The following OTOF variants were observed in gnomAD, a reference collection of about 807,000 sequenced individuals.
The protein encoded by OTOF is otoferlin.
Under a neutral mutation model 236.8 loss-of-function variants are expected in OTOF, and 218 were observed. The observed-to-expected ratio is 0.92, with a 90% CI of 0.82 to 1.03. OTOF has a LOEUF of 1.03. Among genes scored for constraint, OTOF ranks in the 50% least tolerant of loss-of-function variants. The probability of loss-of-function intolerance (pLI) is 0.00; values close to 1 mark genes in which losing one functional copy is unlikely to be tolerated. For missense variants in OTOF, 2,590 were observed against 2,694.4 expected (o/e 0.96, Z 0.86); for synonymous variants, 1,041 against 1,072.5 (o/e 0.97, Z 0.57).
chr2:26,546,498 C>T (rs1466040055), intron 1 of OTOF, among the ~76,000 whole-genome samples: 4 of 151,698 alleles, frequency 2.6e-5, no homozygotes, highest in African/African-American at 9.7e-5. Flanking sequence ...TATAAGTGGA[C>T]CCATGTTGTT....
chr2:26,481,492 T>C (rs768162086), intron 14 of OTOF, among the ~76,000 whole-genome samples: 3 of 152,236 alleles, frequency 2.0e-5, no homozygotes, highest in Non-Finnish European at 2.9e-5. Context: ...CCTTCTCTTA[T>C]GGCTAAGATT....
chr2:26,503,910 C>CAGA (rs1666183687), intron 5 of OTOF, 65 bp from the exon 6 acceptor site: 1 of 1,399,334 alleles, frequency 7.1e-7, no homozygotes, highest in African/African-American at 1.4e-5. Flanking sequence ...CACACAAACA[C>CAGA]AGAAGAGCCA....
At chr2:26,544,648 C>A (rs1667286851) in intron 1 of OTOF, among the ~76,000 whole-genome samples, 1 of 152,150 alleles carries the variant, frequency 6.6e-6, no homozygotes, top group Non-Finnish European at 1.5e-5. Flanking sequence ...TGTAAACATT[C>A]ATGTGAGTCT....
chr2:26,514,147 T>C (rs1328828600), intron 5 of OTOF, among the ~76,000 whole-genome samples: 1 of 152,232 alleles, frequency 6.6e-6, no homozygotes, highest in Non-Finnish European at 1.5e-5. Context: ...CGGGAGAAGG[T>C]GTAGCAGCGA....
At chr2:26,506,868 G>A (rs1666261766) in intron 5 of OTOF, among the ~76,000 whole-genome samples, 1 of 152,174 alleles carries the variant, frequency 6.6e-6, no homozygotes, top group Non-Finnish European at 1.5e-5. Flanking sequence ...GCACATGCCT[G>A]TAATCCCAGT....
At chr2:26,466,552 G>T (rs1664736265) in intron 36 of OTOF, among the ~76,000 whole-genome samples, 162 bp downstream of exon 36, 1 of 152,186 alleles carries the variant, frequency 6.6e-6, no homozygotes, top group African/African-American at 2.4e-5. Context: ...GGCCAGGCTG[G>T]TCTCGAACTC....
chr2:26,513,560 C>T (rs1309274596), intron 5 of OTOF, among the ~76,000 whole-genome samples: 3 of 152,236 alleles, frequency 2.0e-5, no homozygotes, highest in East Asian at 1.9e-4. Flanking sequence ...CTGATCCCCA[C>T]GCCGGACCCT....
At chr2:26,515,289 G>T (rs1373743854) in intron 5 of OTOF, among the ~76,000 whole-genome samples, 1 of 152,230 alleles carries the variant, frequency 6.6e-6, no homozygotes, top group Non-Finnish European at 1.5e-5. Context: ...CTAGCCTGGG[G>T]CTGCCCCATG....
chr2:26,513,454 G>A (rs1301781053), intron 5 of OTOF, among the ~76,000 whole-genome samples: 1 of 152,196 alleles, frequency 6.6e-6, no homozygotes, highest in South Asian at 2.1e-4. Flanking sequence ...TGGGCTGCCC[G>A]GGGCCTGTCT....
At chr2:26,541,970 T>C (rs540815156) in intron 1 of OTOF, among the ~76,000 whole-genome samples, 2 of 152,158 alleles carry the variant, frequency 1.3e-5, no homozygotes, top group Non-Finnish European at 1.5e-5. Flanking sequence ...CCTGAGTCAA[T>C]AGATGGAGTA....
In OTOF at chr2:26,501,875, C is replaced by G. The variant is rs1025736266; in HGVS notation, c.711-67G>C. 1.4e-5 allele frequency: 16 copies of G among 1,166,788 alleles called. No homozygotes were observed. In the African/African-American group the frequency reaches 1.5e-4, roughly 11 times the overall value. The allele number at this position is 1,166,788 out of a possible 1,614,324, so 72.3% of individuals were successfully genotyped here. On this transcript the variant is annotated intron_variant, in intron 7 of 46. Transcript: ENST00000272371. Reference sequence around the variant, plus strand: ...TGCTTGTTGGGGAGGAGGACACTGGCAGTGGTTAGACCTGGGAGTGGGCAG... The same window carrying G: ...TGCTTGTTGGGGAGGAGGACACTGGGAGTGGTTAGACCTGGGAGTGGGCAG...
chr2:26,505,654 C>A (rs937578098), intron 5 of OTOF, among the ~76,000 whole-genome samples: 3 of 152,228 alleles, frequency 2.0e-5, no homozygotes, highest in Admixed American at 2.0e-4. Context: ...GGGATTGAAG[C>A]AGAAAGCTCC....
chr2:26,476,085 GC>G (rs758278312), intron 23 of OTOF, 42 bp downstream of exon 23: 2 of 1,611,508 alleles, frequency 1.2e-6, no homozygotes, highest in Non-Finnish European at 8.5e-7. Context: ...AGCCCCTCCG[GC>G]CCCCTCCCAG....
intron 4 of OTOF, among the ~76,000 whole-genome samples, chr2:26,516,827 C>T (rs1666541363): frequency 6.6e-6 from 1 of 152,130 alleles, no homozygotes; most frequent in African/African-American, 2.4e-5. Context: ...GCTCCAGGTC[C>T]CGCTGCTGGT....
intron 1 of OTOF, among the ~76,000 whole-genome samples, chr2:26,553,012 A>G (rs1667501497): frequency 6.6e-6 from 1 of 152,214 alleles, no homozygotes; most frequent in African/African-American, 2.4e-5. Flanking sequence ...GGGGCGGCAG[A>G]TAAGTTTCCA....
intron 2 of OTOF, among the ~76,000 whole-genome samples, chr2:26,529,447 A>G (rs562717860): frequency 2.6e-5 from 4 of 152,300 alleles, no homozygotes; most frequent in African/African-American, 7.2e-5. Context: ...AGTCTTTCCA[A>G]TGGCCGGAGA....
At chr2:26,471,790 C>T (rs1664987079) in intron 30 of OTOF, among the ~76,000 whole-genome samples, 1 of 152,168 alleles carries the variant, frequency 6.6e-6, no homozygotes, top group Admixed American at 6.5e-5. Context: ...CGCAAGCATG[C>T]ATGCACACAT....
intron 6 of OTOF, among the ~76,000 whole-genome samples, chr2:26,502,813 C>T (rs1330146489): frequency 6.6e-6 from 1 of 152,242 alleles, no homozygotes; most frequent in Non-Finnish European, 1.5e-5. Context: ...ACATGACTAT[C>T]TCTAGTCCTT....
intron 2 of OTOF, among the ~76,000 whole-genome samples, chr2:26,536,076 G>T (rs567654975): frequency 2.4e-4 from 36 of 152,268 alleles, no homozygotes; most frequent in African/African-American, 8.2e-4. Flanking sequence ...ATGGGAAACT[G>T]GGCCAGGCTG....
Sources: allele counts gnomAD v4.1 joint callset (sites outside exome capture counted in the v4.1 genomes callset), GRCh38; gene constraint gnomAD v4.1.1; transcripts MANE v1.5; gene names NCBI Gene and HGNC (gene_info 2026-07-23, HGNC 2026-07-21).